Variants in SLC39A14 observed in about 807,000 individuals in gnomAD.
The protein encoded by SLC39A14 is metal cation symporter ZIP14.
Under a neutral mutation model 45.5 loss-of-function variants are expected in SLC39A14, and 19 were observed. The ratio of observed to expected loss-of-function variants is 0.42; its 90% CI spans 0.29 to 0.61. The LOEUF is 0.61. Among genes scored for constraint, SLC39A14 ranks in the 20% least tolerant of loss-of-function variants. The pLI is 0.22. For synonymous variants in SLC39A14, 264 were observed against 251.3 expected (o/e 1.05, Z -0.48); for missense variants, 447 against 616.5 (o/e 0.73, Z 2.91).
chr8:22,412,313 T>C, intron 4 of SLC39A14, 107 bp downstream of exon 4: 2 of 1,210,370 alleles, frequency 1.7e-6, no homozygotes, highest in Non-Finnish European at 2.3e-6. Context: ...CCTTTCCTTT[T>C]GGAAAGCGAA....
chr8:22,397,317 G>C (rs12681456), intron 1 of SLC39A14, among the ~76,000 whole-genome samples: 37,594 of 151,848 alleles, frequency 0.25, 5,377 homozygotes, highest in East Asian at 0.49. Context: ...GGTGGCTCAC[G>C]CCTGTAATCC....
At chr8:22,429,368 G>A (rs552054394) in intron 8 of SLC39A14, among the ~76,000 whole-genome samples, 1 of 152,260 alleles carries the variant, frequency 6.6e-6, no homozygotes, top group Admixed American at 6.5e-5. Flanking sequence ...TCTCTAACAT[G>A]TTTAACCTCT....
intron 1 of SLC39A14, among the ~76,000 whole-genome samples, chr8:22,371,474 C>G: frequency 1.1e-5 from 1 of 94,120 alleles, no homozygotes; most frequent in Non-Finnish European, 2.0e-5. Context: ...CGCTCTGTCG[C>G]CCAGGCTGGA....
intron 8 of SLC39A14, among the ~76,000 whole-genome samples, chr8:22,428,887 T>C (rs916945304): frequency 2.6e-5 from 4 of 152,126 alleles, no homozygotes; most frequent in African/African-American, 9.7e-5. Context: ...CTTGGAAAAG[T>C]GTTGATGTTT....
intron 3 of SLC39A14, among the ~76,000 whole-genome samples, chr8:22,409,365 T>G (rs1835426620): frequency 6.7e-6 from 1 of 149,786 alleles, no homozygotes; most frequent in Non-Finnish European, 1.5e-5. Context: ...TATTTACTTG[T>G]ATGGCTTTTT....
chr8:22,402,750 T>C (rs6558040), intron 1 of SLC39A14, among the ~76,000 whole-genome samples: 83,871 of 146,152 alleles, frequency 0.57, 24,966 homozygotes, highest in African/African-American at 0.76. Context: ...GCCTGGGCAA[T>C]AGAGTGAGAC....
chr8:22,377,056 G>A (rs1563482620), intron 1 of SLC39A14, among the ~76,000 whole-genome samples: 1 of 152,132 alleles, frequency 6.6e-6, no homozygotes, highest in Admixed American at 6.6e-5. Context: ...TTTGACTAAT[G>A]ATTCTCTATT....
At chr8:22,406,521 G>A (rs34313684) in intron 2 of SLC39A14, among the ~76,000 whole-genome samples, 48,247 of 151,844 alleles carry the variant, frequency 0.32, 10,406 homozygotes, top group African/African-American at 0.63. Flanking sequence ...GTGAAACTCC[G>A]TCTCTGCTAA....
chr8:22,373,261 C>CA lies in SLC39A14; in HGVS notation c.-16+5868dup, dbSNP rs11332395. Reference sequence around the variant, plus strand: ...CTGGTGACAGAGCGAGACTCCATCTCAAAAAAAAAAAAAAAGTTTCATGAA... The same window carrying CA: ...CTGGTGACAGAGCGAGACTCCATCTCAAAAAAAAAAAAAAAAGTTTCATGAA... On this transcript the variant is annotated intron_variant, in intron 1 of 8. Transcript: ENST00000381237. 1.9e-3 allele frequency among the ~76,000 whole-genome samples: 238 copies of CA among 127,298 alleles called. 1 individual carries two copies. Among genetic ancestry groups the CA allele is most frequent in the African/African-American group, 4.3e-3 (152 of 35,702 alleles). The allele number at this position is 127,298 out of a possible 152,430, so 83.5% of individuals were successfully genotyped here.
At chr8:22,424,558 C>A (rs144331899), downstream of SLC39A14, among the ~76,000 whole-genome samples, 12 of 152,288 alleles carry the variant, frequency 7.9e-5, no homozygotes, top group African/African-American at 2.9e-4. Flanking sequence ...GACACCTCGA[C>A]GTCCTTTTCT....
chr8:22,414,255 T>A (rs1835747383), intron 4 of SLC39A14, among the ~76,000 whole-genome samples: 1 of 152,218 alleles, frequency 6.6e-6, no homozygotes, highest in South Asian at 2.1e-4. Flanking sequence ...GTCCACTTTC[T>A]TGGTTCTGTG....
chr8:22,401,539 C>CTTTTTTTTTTTTTTTTTTTT (rs1478354009), intron 1 of SLC39A14, among the ~76,000 whole-genome samples: 1 of 115,716 alleles, frequency 8.6e-6, no homozygotes, highest in African/African-American at 3.4e-5. Context: ...TTTCTCTTCT[C>CTTTTTTTTTTTTTTTTTTTT]TTTCTTTTTT....
downstream of SLC39A14, among the ~76,000 whole-genome samples, chr8:22,427,247 C>T (rs184672974): frequency 4.9e-4 from 74 of 152,126 alleles, 1 homozygote; most frequent in African/African-American, 1.3e-3. Context: ...GCTGAGGTCA[C>T]GCCATTGCAC....
rs1168549622 is a variant in SLC39A14, at chr8:22,420,258, G to A, written c.*560G>A. 3 of 985,436 alleles carry A rather than the reference G, an allele frequency of 3.0e-6. No homozygotes were observed. The highest frequency in any genetic ancestry group is 1.1e-4 in the East Asian group (1 of 8,830). The allele number at this position is 985,436 out of a possible 1,614,324, so 61.0% of individuals were successfully genotyped here. On this transcript the variant is annotated 3_prime_UTR_variant, in exon 9 of 9. Transcript: ENST00000381237. ...AACCTGAAGTCAGAACACATGAGCA[G>A]GGTGAGAGGTGAGGCAAGGTTCATC...
At chr8:22,370,324 A>T (rs144494607) in intron 1 of SLC39A14, among the ~76,000 whole-genome samples, 3 of 152,278 alleles carry the variant, frequency 2.0e-5, no homozygotes, top group African/African-American at 7.2e-5. Context: ...CATTTGCAGA[A>T]TCATGGGGTT....
downstream of SLC39A14, among the ~76,000 whole-genome samples, chr8:22,425,791 A>G (rs914083009): frequency 7.7e-6 from 1 of 129,846 alleles, no homozygotes; most frequent in African/African-American, 2.6e-5. Context: ...AGATTCCAAG[A>G]TGGTAGCATC....
At chr8:22,409,834 T>C in intron 3 of SLC39A14, 1 of 1,045,870 alleles carries the variant, frequency 9.6e-7, no homozygotes. Context: ...GATGGGTTGG[T>C]GGATCTCAGT....
At chr8:22,378,602 C>A (rs141645459) in intron 1 of SLC39A14, among the ~76,000 whole-genome samples, 2 of 152,360 alleles carry the variant, frequency 1.3e-5, no homozygotes, top group African/African-American at 4.8e-5. Flanking sequence ...TTGAGTCCTG[C>A]TCATGCTTCA....
intron 1 of SLC39A14, among the ~76,000 whole-genome samples, chr8:22,369,147 T>C (rs932329752): frequency 6.6e-6 from 1 of 152,138 alleles, no homozygotes; most frequent in Admixed American, 6.5e-5. Flanking sequence ...GGTTTGCAGG[T>C]AAGACTAGAG....
Sources: allele counts gnomAD v4.1 joint callset (sites outside exome capture counted in the v4.1 genomes callset), GRCh38; gene constraint gnomAD v4.1.1; transcripts MANE v1.5; gene names NCBI Gene and HGNC (gene_info 2026-07-23, HGNC 2026-07-21).